The following JPH1 variants were observed in gnomAD, a reference collection of about 807,000 sequenced individuals.
The protein encoded by JPH1 is junctophilin-1.
A neutral mutation model predicts 53.6 loss-of-function variants in JPH1; 12 were observed. That is an observed-to-expected ratio of 0.22 (90% CI 0.14 to 0.36). The LOEUF is 0.36. JPH1 is among the 10% of genes least tolerant of loss of function. The probability of loss-of-function intolerance (pLI) is 1.00; values close to 1 mark genes in which losing one functional copy is unlikely to be tolerated. For synonymous variants in JPH1, 375 were observed against 363.8 expected (o/e 1.03, Z -0.35); for missense variants, 808 against 905.5 (o/e 0.89, Z 1.38).
Position 74,321,170 on chromosome 8 carries a change from C to G in JPH1, c.118G>C (p.Gly40Arg). The G allele has an allele frequency of 6.2e-7, 1 of 1,613,378 alleles. No homozygotes were observed. The highest frequency in any genetic ancestry group is 8.5e-7 in the Non-Finnish European group (1 of 1,179,802). The change falls in exon 1 of 6, where the codon GGC (glycine) becomes CGC (arginine). Residue 40 changes from glycine to arginine, a missense_variant. Transcript: ENST00000342232. The surrounding 1 kb of genome is among the most constrained non-coding windows in gnomAD (Gnocchi z 4.3). ...TGPKGQGEYS[G>R]SWSHGFEVVG... ...ACCTCGAAGCCGTGCGACCAGGAGC[C>G]CGAGTACTCGCCCTGGCCCTTGGGC...
chr8:74,309,891 C>G (rs1263256377), intron 2 of JPH1, among the ~76,000 whole-genome samples: 1 of 152,194 alleles, frequency 6.6e-6, no homozygotes, highest in Non-Finnish European at 1.5e-5. Flanking sequence ...TGGGGACTTT[C>G]TGTCTCCTCT....
Position 74,321,398 on chromosome 8 carries a change from C to A in JPH1, c.-111G>T. On this transcript the variant is annotated 5_prime_UTR_variant, in exon 1 of 6. Coordinates refer to ENST00000342232, the MANE Select transcript of JPH1 (RefSeq NM_020647.4). The surrounding 1 kb of genome is among the most constrained non-coding windows in gnomAD (Gnocchi z 4.3). Reference sequence around the variant, plus strand: ...CCCGGCGGGCGAGCTCACGACAGCGCCCTGGGCAGCTCGCGCTGCCGCTCG... The same window carrying A: ...CCCGGCGGGCGAGCTCACGACAGCGACCTGGGCAGCTCGCGCTGCCGCTCG... 3.7e-6 allele frequency: 4 copies of A among 1,080,572 alleles called. No individual in the cohort carries two copies. Among genetic ancestry groups the A allele is most frequent in the Non-Finnish European group, 4.9e-6 (4 of 814,122 alleles). 66.9% of individuals were successfully genotyped at this position (1,080,572 alleles called of 1,614,324 possible).
intron 2 of JPH1, among the ~76,000 whole-genome samples, chr8:74,288,634 A>G (rs1172838929): frequency 1.3e-5 from 2 of 152,204 alleles, no homozygotes; most frequent in Non-Finnish European, 2.9e-5. Context: ...TAGTCAAGGA[A>G]ATGCTTTACT....
At chr8:74,297,039 TA>T (rs1222957957) in intron 2 of JPH1, among the ~76,000 whole-genome samples, 3 of 152,210 alleles carry the variant, frequency 2.0e-5, no homozygotes, top group African/African-American at 7.2e-5. Flanking sequence ...CATCATTTAG[TA>T]AAAATATTTT....
chr8:74,253,429 A>G (rs1029986904), intron 3 of JPH1, among the ~76,000 whole-genome samples: 15 of 152,154 alleles, frequency 9.9e-5, no homozygotes, highest in Non-Finnish European at 2.1e-4. Context: ...AAATGCCCAC[A>G]AGAGAAAGCA....
intron 2 of JPH1, among the ~76,000 whole-genome samples, chr8:74,309,955 G>T (rs1807943462): frequency 6.6e-6 from 1 of 152,062 alleles, no homozygotes; most frequent in African/African-American, 2.4e-5. Context: ...CAGCATATTG[G>T]GGGATCCAAT....
Position 74,321,423 on chromosome 8 carries a change from G to C in JPH1, c.-136C>G, listed in dbSNP as rs531422855. Reference sequence around the variant, plus strand: ...CCCTGGGCAGCTCGCGCTGCCGCTCGGCTCCAGTCCGACGCCGCCCCCGTC... The same window carrying C: ...CCCTGGGCAGCTCGCGCTGCCGCTCCGCTCCAGTCCGACGCCGCCCCCGTC... On this transcript the variant is annotated 5_prime_UTR_variant, in exon 1 of 6. Coordinates refer to ENST00000342232, the MANE Select transcript of JPH1 (RefSeq NM_020647.4). This position sits in a 1 kb window ranked among gnomAD's most constrained non-coding sequence, Gnocchi z 4.3. The C allele has an allele frequency of 9.7e-6, 8 of 827,732 alleles. No homozygotes were observed. The South Asian group carries it at 1.1e-4, about 11-fold the overall frequency. 51.3% of individuals were successfully genotyped at this position (827,732 alleles called of 1,614,324 possible).
At chr8:74,297,885 T>C (rs1807566248) in intron 2 of JPH1, among the ~76,000 whole-genome samples, 1 of 137,976 alleles carries the variant, frequency 7.2e-6, no homozygotes, top group Non-Finnish European at 1.6e-5. Flanking sequence ...AATTTGATTT[T>C]AGATGATGAA....
At chr8:74,252,597 G>A (rs1305516034) in intron 3 of JPH1, among the ~76,000 whole-genome samples, 1 of 152,044 alleles carries the variant, frequency 6.6e-6, no homozygotes, top group Non-Finnish European at 1.5e-5. Flanking sequence ...GGCACAGACT[G>A]GCAAATTGGA....
At chr8:74,314,287 G>A (rs947863057) in intron 2 of JPH1, among the ~76,000 whole-genome samples, 1 of 152,156 alleles carries the variant, frequency 6.6e-6, no homozygotes, top group Admixed American at 6.5e-5. Flanking sequence ...ATTTTGTCAT[G>A]TTATTTTCCA....
intron 2 of JPH1, among the ~76,000 whole-genome samples, chr8:74,306,722 G>A (rs541032214): frequency 5.5e-4 from 83 of 151,660 alleles, no homozygotes; most frequent in African/African-American, 2.0e-3. Context: ...TCAGCCTCCC[G>A]AGTAGCTGGG....
chr8:74,285,993 C>G (rs1001864301), intron 2 of JPH1, among the ~76,000 whole-genome samples: 2 of 152,160 alleles, frequency 1.3e-5, no homozygotes, highest in Non-Finnish European at 2.9e-5. Context: ...GAACATGTAT[C>G]ATTTATGCAA....
At chr8:74,247,445 A>G (rs1267444604) in intron 3 of JPH1, among the ~76,000 whole-genome samples, 1 of 152,246 alleles carries the variant, frequency 6.6e-6, no homozygotes, top group Non-Finnish European at 1.5e-5. Flanking sequence ...TAAAATACAA[A>G]GTGCTTTTAA....
At chr8:74,297,170 T>C (rs1411521180) in intron 2 of JPH1, among the ~76,000 whole-genome samples, 2 of 152,236 alleles carry the variant, frequency 1.3e-5, no homozygotes, top group Non-Finnish European at 2.9e-5. Context: ...ACAGAGACTC[T>C]TGTACTTCAT....
chr8:74,276,164 T>C (rs144717286), intron 2 of JPH1, among the ~76,000 whole-genome samples: 231 of 152,120 alleles, frequency 1.5e-3, no homozygotes, highest in African/African-American at 5.0e-3. Context: ...AAACTAACAT[T>C]AAATGGACAC....
At chr8:74,239,146 G>C (rs900939391) in intron 4 of JPH1, among the ~76,000 whole-genome samples, 1 of 152,072 alleles carries the variant, frequency 6.6e-6, no homozygotes, top group Non-Finnish European at 1.5e-5. Flanking sequence ...ATTTTTTGCA[G>C]GTTTTTATAA....
At chr8:74,283,728 C>T (rs1807078682) in intron 2 of JPH1, among the ~76,000 whole-genome samples, 1 of 152,204 alleles carries the variant, frequency 6.6e-6, no homozygotes, top group Admixed American at 6.5e-5. Flanking sequence ...CACAGCTCCC[C>T]CTCCCCAAGC....
At chr8:74,263,980 G>A (rs898161211) in intron 2 of JPH1, among the ~76,000 whole-genome samples, 3 of 152,180 alleles carry the variant, frequency 2.0e-5, no homozygotes, top group African/African-American at 7.2e-5. Flanking sequence ...TGGCTCCACA[G>A]GTGTCAGTTT....
At chr8:74,281,488 C>T (rs1029003673) in intron 2 of JPH1, among the ~76,000 whole-genome samples, 2 of 152,180 alleles carry the variant, frequency 1.3e-5, no homozygotes, top group African/African-American at 4.8e-5. Context: ...AGCCTTAGTA[C>T]CCAACACACA....
Sources: allele counts gnomAD v4.1 joint callset (sites outside exome capture counted in the v4.1 genomes callset), GRCh38; gene constraint gnomAD v4.1.1; non-coding constraint Gnocchi (gnomAD v3.1); transcripts MANE v1.5; gene names NCBI Gene and HGNC (gene_info 2026-07-23, HGNC 2026-07-21).